SIM2: variants seen among roughly 807,000 people sequenced by gnomAD.
The protein encoded by SIM2 is SIM bHLH transcription factor 2.
A neutral mutation model predicts 64.8 loss-of-function variants in SIM2; 28 were observed. That is an observed-to-expected ratio of 0.43 (90% CI 0.32 to 0.59). The LOEUF (loss-of-function observed/expected upper bound fraction) is 0.59, where lower values mean the gene tolerates loss of function less well. Ranked by LOEUF, SIM2 falls within the 20% of genes least tolerant of loss-of-function variation. The probability of loss-of-function intolerance (pLI) is 0.07; values close to 1 mark genes in which losing one functional copy is unlikely to be tolerated. For synonymous variants in SIM2, 408 were observed against 391.1 expected, an observed-to-expected ratio of 1.04 and a Z score of -0.51; for missense variants, 847 against 871.4, an observed-to-expected ratio of 0.97 and a Z score of 0.35.
intron 7 of SIM2, among the ~76,000 whole-genome samples, chr21:36,736,859 T>TCTTTC (rs1482751315): frequency 0.039 from 1,035 of 26,830 alleles, 29 homozygotes; most frequent in African/African-American, 0.081. Flanking sequence ...TCTTTCTTTC[T>TCTTTC]TTTTCTTTCT....
Position 36,748,080 on chromosome 21 carries a change from C to G in SIM2, c.1992C>G (p.Thr664=). The change falls in exon 11 of 11, where the codon ACC becomes ACG. Residue 664 remains threonine, a synonymous_variant. Transcript: ENST00000290399. ...PHYLGASVII[T]NGR Reference sequence around the variant, plus strand: ...ACCTGGGCGCCTCGGTCATCATCACCAACGGGAGGTGACCCGCTGGCCGCC... The same window carrying G: ...ACCTGGGCGCCTCGGTCATCATCACGAACGGGAGGTGACCCGCTGGCCGCC... 1 of 1,205,058 alleles carries G rather than the reference C, an allele frequency of 8.3e-7. No homozygotes were observed. 74.6% of individuals were successfully genotyped at this position (1,205,058 alleles called of 1,614,324 possible).
chr21:36,709,181 G>C lies in SIM2; in HGVS notation c.189G>C (p.Ala63=), dbSNP rs747315065. 11 of 1,609,538 alleles carry C rather than the reference G, an allele frequency of 6.8e-6. No homozygotes were observed. Among genetic ancestry groups the C allele is most frequent in the South Asian group, 1.1e-5 (1 of 90,260 alleles). ...RAVFPEGLGD[A]WGQPSRAGPL... ...TCCCTCGTCCAGGTTTAGGAGACGC[G>C]TGGGGACAGCCGAGCCGCGCCGGGC... The change falls in exon 2 of 11, where the codon GCG becomes GCC. Residue 63 remains alanine (A), a synonymous_variant. Coordinates refer to ENST00000290399, the MANE Select transcript of SIM2 (RefSeq NM_005069.6).
chr21:36,710,334 A>G (rs1050028202), intron 2 of SIM2: 7 of 152,204 alleles, frequency 4.6e-5, no homozygotes, highest in Non-Finnish European at 8.8e-5. Flanking sequence ...ACCCTGCAGG[A>G]GCTGCACGCG....
rs1477429874 is a variant in SIM2 at position 36,723,145 on chromosome 21, G to A, written c.543+15G>A. On this transcript the variant is annotated intron_variant, in intron 5 of 10. Coordinates refer to ENST00000290399, the MANE Select transcript of SIM2 (RefSeq NM_005069.6). ...GCGGATACAAGGTACGGGGAGTCAT[G>A]GGTGCGGGGAGGAGCTGGCTAAGGG... 1.2e-6 allele frequency: 2 copies of A among 1,609,246 alleles called. No homozygotes were observed. The highest frequency in any genetic ancestry group is 2.2e-5 in the South Asian group (2 of 90,998).
chr21:36,730,452 G>C (rs2088951500), intron 6 of SIM2, among the ~76,000 whole-genome samples: 1 of 152,162 alleles, frequency 6.6e-6, no homozygotes, highest in Non-Finnish European at 1.5e-5. Flanking sequence ...GAAAGTACAA[G>C]GGAGGCTACT....
chr21:36,722,073 G>A (rs575255545), intron 4 of SIM2, among the ~76,000 whole-genome samples: 6 of 152,130 alleles, frequency 3.9e-5, no homozygotes, highest in African/African-American at 1.2e-4. Context: ...AATGACCCCC[G>A]TTGTTTTATG....
rs61252184 is a variant in SIM2, at chr21:36,737,961, C to CAAAAAAAAA, written c.851-3743_851-3735dup. On this transcript the variant is annotated intron_variant, in intron 7 of 10. Transcript: ENST00000290399. Reference sequence around the variant, plus strand: ...TGGGCAAAAGAGCAAGACCCTGTCTCAAAAAAAAAAAAAAAAAAAAAGCAA... The same window carrying CAAAAAAAAA: ...TGGGCAAAAGAGCAAGACCCTGTCTCAAAAAAAAAAAAAAAAAAAAAAAAAAAAAAGCAA... 3.9e-3 allele frequency among the ~76,000 whole-genome samples: 133 copies of CAAAAAAAAA among 33,998 alleles called. 8 individuals carry two copies. Among genetic ancestry groups the CAAAAAAAAA allele is most frequent in the Admixed American group, 4.7e-3 (11 of 2,334 alleles). The allele number at this position is 33,998 out of a possible 152,430, so 22.3% of individuals were successfully genotyped here. A position where few individuals can be genotyped will look rare whatever the true frequency, so the allele number is the denominator to read the frequency against.
chr21:36,732,544 C>A (rs1488858900), intron 7 of SIM2, among the ~76,000 whole-genome samples: 1 of 152,228 alleles, frequency 6.6e-6, no homozygotes. Context: ...CTCCCCAAAT[C>A]TCTATGGACA....
chr21:36,706,042 A>G (rs1237471215), intron 1 of SIM2, among the ~76,000 whole-genome samples: 1 of 151,932 alleles, frequency 6.6e-6, no homozygotes. Flanking sequence ...TGCAGGAACT[A>G]TCTCCCCGTT....
chr21:36,734,992 G>A (rs763250448), intron 7 of SIM2, among the ~76,000 whole-genome samples: 3 of 152,198 alleles, frequency 2.0e-5, no homozygotes, highest in Non-Finnish European at 2.9e-5. Flanking sequence ...GACTAGACAT[G>A]GCCAGGGGAG....
At chr21:36,702,447 G>A (rs1054096960) in intron 1 of SIM2, among the ~76,000 whole-genome samples, 3 of 152,232 alleles carry the variant, frequency 2.0e-5, no homozygotes, top group Non-Finnish European at 4.4e-5. Flanking sequence ...CCTGGAGCCG[G>A]TGGACTCATA....
chr21:36,707,131 T>C (rs1486020437), intron 1 of SIM2, among the ~76,000 whole-genome samples: 1 of 152,204 alleles, frequency 6.6e-6, no homozygotes, highest in African/African-American at 2.4e-5. Context: ...CAAAGGTGGC[T>C]CCAGGACAAC....
intron 3 of SIM2, among the ~76,000 whole-genome samples, chr21:36,713,689 C>T (rs2088706887): frequency 6.6e-6 from 1 of 152,164 alleles, no homozygotes; most frequent in South Asian, 2.1e-4. Flanking sequence ...AACAAAATGA[C>T]CACATTTGGC....
chr21:36,708,892 G>A (rs943774912), intron 1 of SIM2, among the ~76,000 whole-genome samples: 8 of 152,256 alleles, frequency 5.3e-5, no homozygotes, highest in African/African-American at 1.9e-4. Context: ...GAGCACGTGG[G>A]CGACCCGCGG....
In SIM2 at chr21:36,726,811, T is replaced by C. The variant is rs2088898587; in HGVS notation, c.743+493T>C. ...GCTGAGGCTGGGAGCAGAGACGCTA[T>C]CTACCCTGGGGGATGCTCTTCCCAC... is the stretch of plus-strand genomic sequence containing the variant. On this transcript the variant is annotated intron_variant, in intron 6 of 10. Transcript: ENST00000290399. This position sits in a 1 kb window ranked among gnomAD's most constrained non-coding sequence, Gnocchi z 4.5. Among the ~76,000 whole-genome samples the C allele has an allele frequency of 6.6e-6, 1 of 152,090 alleles. No individual in the cohort carries two copies. The highest frequency in any genetic ancestry group is 2.4e-5 in the African/African-American group (1 of 41,408).
intron 7 of SIM2, among the ~76,000 whole-genome samples, chr21:36,738,909 G>A (rs778464422): frequency 1.4e-4 from 22 of 152,178 alleles, no homozygotes; most frequent in Non-Finnish European, 2.5e-4. Flanking sequence ...TGCATGGTCC[G>A]GGAGAGACCC....
chr21:36,705,552 G>A (rs957789503), intron 1 of SIM2, among the ~76,000 whole-genome samples: 1 of 152,196 alleles, frequency 6.6e-6, no homozygotes, highest in Non-Finnish European at 1.5e-5. Flanking sequence ...GGCCGCGCTC[G>A]TTTAATCCCA....
intron 1 of SIM2, chr21:36,701,479 G>A (rs575506941): frequency 2.0e-5 from 3 of 151,990 alleles, no homozygotes; most frequent in South Asian, 4.2e-4. Context: ...GCCAGGCGCG[G>A]GCTGACCCGG....
At chr21:36,730,758 TC>T (rs1230880154) in intron 6 of SIM2, among the ~76,000 whole-genome samples, 1 of 152,170 alleles carries the variant, frequency 6.6e-6, no homozygotes, top group African/African-American at 2.4e-5. Flanking sequence ...TTGTAAGCAT[TC>T]CCCGATAAGC....
Sources: gnomAD v4.1 joint callset for allele counts (sites outside exome capture counted in the v4.1 genomes callset) on GRCh38, gnomAD v4.1.1 for gene constraint, Gnocchi (gnomAD v3.1) non-coding constraint, MANE v1.5 for transcripts, NCBI Gene and HGNC (gene_info 2026-07-23, HGNC 2026-07-21) for gene names.